The following SLC7A2 variants were observed in gnomAD, a reference collection of about 807,000 sequenced individuals.
SLC7A2 encodes the protein solute carrier family 7 member 2, also known as cationic amino acid transporter 2.
Under a neutral mutation model 58.9 loss-of-function variants are expected in SLC7A2, and 48 were observed. That is an observed-to-expected ratio of 0.82 (90% CI 0.65 to 1.04). SLC7A2 has a LOEUF of 1.04. Ranked by LOEUF, SLC7A2 falls within the 50% of genes least tolerant of loss-of-function variation. The probability of loss-of-function intolerance (pLI) is 0.00; values close to 1 mark genes in which losing one functional copy is unlikely to be tolerated. For synonymous variants in SLC7A2, 363 were observed against 314.5 expected, an observed-to-expected ratio of 1.15 and a Z score of -1.63; for missense variants, 1,029 against 818.8, an observed-to-expected ratio of 1.26 and a Z score of -3.13.
At chr8:17,541,365 C>T (rs185547370) in intron 2 of SLC7A2, among the ~76,000 whole-genome samples, 68 of 152,240 alleles carry the variant, frequency 4.5e-4, no homozygotes, top group African/African-American at 1.4e-3. Context: ...TAGGTTTTGA[C>T]GTTGAAAACC....
rs1238318279 is a variant in SLC7A2, at chr8:17,497,158, GT to G, written c.-147del. 3 of 151,694 alleles carry G rather than the reference GT, an allele frequency of 2.0e-5. No individual in the cohort carries two copies. Among genetic ancestry groups the G allele is most frequent in the Admixed American group, 6.6e-5 (1 of 15,234 alleles). 9.4% of individuals were successfully genotyped at this position (151,694 alleles called of 1,614,324 possible). ...GCGAGGCGGCGGCCGCTGCTCCAGCGTCCCCCAGCCGCGGGCCCCCGACGCG... is the reference window on the plus strand; with the variant it reads ...GCGAGGCGGCGGCCGCTGCTCCAGCGCCCCCAGCCGCGGGCCCCCGACGCG... On this transcript the variant is annotated 5_prime_UTR_variant, in exon 1 of 13. Coordinates refer to ENST00000494857, the MANE Select transcript of SLC7A2 (RefSeq NM_001370338.1).
chr8:17,551,268 A>T (rs775068497), intron 6 of SLC7A2, among the ~76,000 whole-genome samples: 27 of 152,194 alleles, frequency 1.8e-4, no homozygotes, highest in Admixed American at 9.8e-4. Context: ...TTTACGTAAT[A>T]AGAAAGTACC....
At chr8:17,563,478 G>A (rs1376466231) in intron 11 of SLC7A2, 125 bp from the exon 12 acceptor site, 2 of 645,632 alleles carry the variant, frequency 3.1e-6, no homozygotes, top group Non-Finnish European at 5.6e-6. Flanking sequence ...CTAGAAGCGT[G>A]GTTTTAACTG....
intron 2 of SLC7A2, among the ~76,000 whole-genome samples, chr8:17,532,043 C>T (rs1003618222): frequency 9.9e-5 from 15 of 151,620 alleles, no homozygotes; most frequent in East Asian, 1.9e-4. Flanking sequence ...GCCTGGCCAA[C>T]GTGGTGAAAC....
chr8:17,500,118 G>C (rs1162638356), intron 1 of SLC7A2: 2 of 152,162 alleles, frequency 1.3e-5, no homozygotes, highest in Non-Finnish European at 2.9e-5. Context: ...GTTTACATTT[G>C]GGGAACTCCA....
intron 6 of SLC7A2, among the ~76,000 whole-genome samples, chr8:17,550,927 T>C (rs1802419429): frequency 6.6e-6 from 1 of 152,198 alleles, no homozygotes; most frequent in Non-Finnish European, 1.5e-5. Context: ...TACGTCATAG[T>C]GTGGCCATAC....
intron 2 of SLC7A2, among the ~76,000 whole-genome samples, chr8:17,505,217 A>G (rs1027559426): frequency 6.6e-6 from 1 of 152,142 alleles, no homozygotes; most frequent in African/African-American, 2.4e-5. Flanking sequence ...CCACATTCCA[A>G]CCAGTGGGCA....
chr8:17,561,929 C>A lies in SLC7A2; in HGVS notation c.1505-15C>A, dbSNP rs1384292486. On this transcript the variant is annotated splice_polypyrimidine_tract_variant and intron_variant, in intron 10 of 12. Transcript: ENST00000494857. ...CACAGTGTGCTGACTCTGTTATCTACACATCCCCCTGCAGCTTTCCTCGTG... is the reference window on the plus strand; with the variant it reads ...CACAGTGTGCTGACTCTGTTATCTAAACATCCCCCTGCAGCTTTCCTCGTG... 5 of 1,613,266 alleles carry A rather than the reference C, an allele frequency of 3.1e-6. No individual in the cohort carries two copies. The highest frequency in any genetic ancestry group is 1.3e-5 in the African/African-American group (1 of 74,926).
chr8:17,516,704 A>G (rs1313820222), intron 2 of SLC7A2, among the ~76,000 whole-genome samples: 1 of 152,186 alleles, frequency 6.6e-6, no homozygotes, highest in Non-Finnish European at 1.5e-5. Flanking sequence ...TCTTTAAGTG[A>G]TGACATGGTC....
intron 2 of SLC7A2, among the ~76,000 whole-genome samples, chr8:17,527,295 C>G (rs543429361): frequency 6.6e-6 from 1 of 152,238 alleles, no homozygotes; most frequent in South Asian, 2.1e-4. Context: ...AGGGTTTTAG[C>G]CGACTACAAA....
intron 2 of SLC7A2, among the ~76,000 whole-genome samples, chr8:17,503,441 A>G (rs951303468): frequency 6.6e-6 from 1 of 152,104 alleles, no homozygotes; most frequent in Non-Finnish European, 1.5e-5. Context: ...TTCACTTTAT[A>G]TTCACTCCCG....
intron 2 of SLC7A2, among the ~76,000 whole-genome samples, chr8:17,503,448 C>T (rs1281980359): frequency 1.3e-5 from 2 of 152,178 alleles, no homozygotes; most frequent in Non-Finnish European, 2.9e-5. Flanking sequence ...TATATTCACT[C>T]CCGCGGTGTT....
At chr8:17,528,048 C>T (rs181322728) in intron 2 of SLC7A2, among the ~76,000 whole-genome samples, 39 of 152,106 alleles carry the variant, frequency 2.6e-4, no homozygotes, top group African/African-American at 9.4e-4. Flanking sequence ...GAGTAACCTT[C>T]CAGGAAGAAG....
chr8:17,545,713 A>C (rs2150743888), intron 4 of SLC7A2, among the ~76,000 whole-genome samples: 1 of 151,912 alleles, frequency 6.6e-6, no homozygotes, highest in South Asian at 2.1e-4. Flanking sequence ...TTCTCTTTTG[A>C]GTCTCCTTCT....
intron 9 of SLC7A2, 137 bp downstream of exon 9, chr8:17,558,534 A>G (rs983075078): frequency 2.7e-5 from 14 of 526,494 alleles, no homozygotes; most frequent in African/African-American, 7.7e-5. Flanking sequence ...CAAAATAGCA[A>G]TGAAAAGTGG....
rs2150798702 is a variant in SLC7A2 at position 17,569,262 on chromosome 8, C to T, written c.*4116C>T. 1 of 152,272 alleles carries T rather than the reference C, an allele frequency of 6.6e-6. No homozygotes were observed. Among genetic ancestry groups the T allele is most frequent in the South Asian group, 2.1e-4 (1 of 4,814 alleles). 9.4% of individuals were successfully genotyped at this position (152,272 alleles called of 1,614,324 possible). The stretch of plus-strand genomic sequence containing the variant: ...CAAGCAACTGTTACCACAAAAAATA[C>T]AGTTTCCGCAGGGCTTTAAAGGATT... On this transcript the variant is annotated 3_prime_UTR_variant, in exon 13 of 13. Coordinates refer to ENST00000494857, the MANE Select transcript of SLC7A2 (RefSeq NM_001370338.1).
At position 17,534,903 on chromosome 8, in the gene SLC7A2, C is replaced by T. The variant is rs372325211; in HGVS notation, c.-22-8415C>T. 8.5e-5 allele frequency among the ~76,000 whole-genome samples: 13 copies of T among 152,220 alleles called. No homozygotes were observed. The East Asian group carries it at 2.3e-3, about 27-fold the overall frequency. On this transcript the variant is annotated intron_variant, in intron 2 of 12. Transcript: ENST00000494857. The stretch of plus-strand genomic sequence containing the variant: ...TTCCCACTCATCCTCTTCCTTGACT[C>T]TCAAGGTGGAGAAGCTAAGCTCTGT...
chr8:17,543,258 G>C (rs552374340), intron 2 of SLC7A2, 60 bp from the exon 3 acceptor site: 12 of 1,487,936 alleles, frequency 8.1e-6, no homozygotes, highest in Non-Finnish European at 1.1e-5. Context: ...TGGAAGCTAG[G>C]TTACCAAAGG....
chr8:17,503,141 C>A (rs1800231280), intron 2 of SLC7A2, among the ~76,000 whole-genome samples: 1 of 152,024 alleles, frequency 6.6e-6, no homozygotes, highest in Admixed American at 6.6e-5. Context: ...AGCTCCGCCT[C>A]CCGGGTTCAC....
Sources: allele counts gnomAD v4.1 joint callset (sites outside exome capture counted in the v4.1 genomes callset), GRCh38; gene constraint gnomAD v4.1.1; transcripts MANE v1.5; gene names NCBI Gene and HGNC (gene_info 2026-07-23, HGNC 2026-07-21).